Variants in RHPN2 observed in about 807,000 individuals in gnomAD.
The protein encoded by RHPN2 is rhophilin Rho GTPase binding protein 2.
Under a neutral mutation model 79.0 loss-of-function variants are expected in RHPN2, and 40 were observed. The ratio of observed to expected loss-of-function variants is 0.51; its 90% CI spans 0.39 to 0.66. RHPN2 has a LOEUF of 0.66. Ranked by LOEUF, RHPN2 falls within the 30% of genes least tolerant of loss-of-function variation. The probability of loss-of-function intolerance (pLI) is 0.00; values close to 1 mark genes in which losing one functional copy is unlikely to be tolerated. For synonymous variants in RHPN2, 285 were observed against 363.5 expected (o/e 0.78, Z 2.46); for missense variants, 686 against 883.5 (o/e 0.78, Z 2.83).
chr19:33,023,241 C>G (rs1327459253), intron 3 of RHPN2, among the ~76,000 whole-genome samples: 1 of 151,988 alleles, frequency 6.6e-6, no homozygotes, highest in Non-Finnish European at 1.5e-5. Context: ...TCAAGACCAG[C>G]CTGGCCAACA....
intron 1 of RHPN2, among the ~76,000 whole-genome samples, chr19:33,058,351 G>A (rs1010039527): frequency 6.6e-6 from 1 of 152,184 alleles, no homozygotes; most frequent in Non-Finnish European, 1.5e-5. Flanking sequence ...CTGAGCTGTC[G>A]CTCCATAAAT....
chr19:33,043,164 GC>G (rs772690693), intron 2 of RHPN2, among the ~76,000 whole-genome samples: 2 of 151,008 alleles, frequency 1.3e-5, no homozygotes, highest in Non-Finnish European at 1.5e-5. Flanking sequence ...TGCTTGAAGA[GC>G]CCAGGAGGTT....
chr19:33,032,140 G>A (rs559552926), intron 2 of RHPN2, among the ~76,000 whole-genome samples: 23 of 149,438 alleles, frequency 1.5e-4, no homozygotes, highest in Non-Finnish European at 3.1e-4. Flanking sequence ...CCTGCCTCAG[G>A]CTCCCGAGTA....
intron 14 of RHPN2, among the ~76,000 whole-genome samples, chr19:32,985,833 C>T (rs1484564809): frequency 2.0e-5 from 3 of 152,126 alleles, no homozygotes; most frequent in South Asian, 2.1e-4. Flanking sequence ...GGTTTTGCCA[C>T]GGTGGCCAGG....
intron 14 of RHPN2, among the ~76,000 whole-genome samples, chr19:32,983,363 T>C (rs1213254387): frequency 1.3e-5 from 2 of 151,724 alleles, no homozygotes; most frequent in Non-Finnish European, 2.9e-5. Flanking sequence ...ATACAAAAAA[T>C]TAGCCGGGCG....
intron 3 of RHPN2, among the ~76,000 whole-genome samples, chr19:33,022,570 C>T (rs535131528): frequency 6.6e-6 from 1 of 152,284 alleles, no homozygotes; most frequent in East Asian, 1.9e-4. Flanking sequence ...GGGTCAGACA[C>T]CCTCCACCTC....
At chr19:33,062,767 C>A (rs1003339275) in intron 1 of RHPN2, among the ~76,000 whole-genome samples, 1 of 143,654 alleles carries the variant, frequency 7.0e-6, no homozygotes, top group African/African-American at 2.5e-5. Flanking sequence ...GACTCTGTTT[C>A]ATAATAATAA....
At chr19:33,047,271 G>C (rs1972149508) in intron 1 of RHPN2, among the ~76,000 whole-genome samples, 1 of 152,160 alleles carries the variant, frequency 6.6e-6, no homozygotes, top group South Asian at 2.1e-4. Flanking sequence ...CTTCTAATTT[G>C]TATGTTTATT....
At chr19:33,063,203 T>A (rs7258173) in intron 1 of RHPN2, among the ~76,000 whole-genome samples, 26,112 of 151,954 alleles carry the variant, frequency 0.17, 2,836 homozygotes, top group South Asian at 0.33. Context: ...ACGCCACACA[T>A]AATTAGAAGT....
chr19:32,993,484 T>C (rs2044969708), intron 12 of RHPN2, among the ~76,000 whole-genome samples: 1 of 151,924 alleles, frequency 6.6e-6, no homozygotes, highest in Admixed American at 6.6e-5. Flanking sequence ...AAAAAACAAA[T>C]AAATAAAAAT....
At chr19:33,010,682 C>CT (rs200572600) in intron 6 of RHPN2, among the ~76,000 whole-genome samples, 3 of 148,168 alleles carry the variant, frequency 2.0e-5, no homozygotes, top group Non-Finnish European at 3.0e-5. Context: ...CACGCCCAGC[C>CT]TTTTTTTTTC....
At chr19:33,001,754 G>C (rs1038946025) in intron 9 of RHPN2, among the ~76,000 whole-genome samples, 44 of 151,974 alleles carry the variant, frequency 2.9e-4, no homozygotes, top group African/African-American at 1.0e-3. Flanking sequence ...TTAGAGGCAC[G>C]TGCCATGCCC....
intron 2 of RHPN2, among the ~76,000 whole-genome samples, chr19:33,043,815 G>A (rs771037315): frequency 6.6e-6 from 1 of 152,116 alleles, no homozygotes; most frequent in Non-Finnish European, 1.5e-5. Flanking sequence ...CATTAGCAAG[G>A]TGGACACTGG....
In RHPN2 at chr19:33,044,378, A is replaced by G; in HGVS notation, c.70-14T>C. On this transcript the variant is annotated splice_polypyrimidine_tract_variant and intron_variant, in intron 1 of 14. Coordinates refer to ENST00000254260, the MANE Select transcript of RHPN2 (RefSeq NM_033103.5). ...GGGATTACAGCCCTGAGGAAAAATAAGAGATGCCCCTTCAGAGGTCGGCCA... is the reference window on the plus strand; with the variant it reads ...GGGATTACAGCCCTGAGGAAAAATAGGAGATGCCCCTTCAGAGGTCGGCCA... 1 of 1,579,550 alleles carries G rather than the reference A, an allele frequency of 6.3e-7. No homozygotes were observed. The highest frequency in any genetic ancestry group is 1.3e-5 in the African/African-American group (1 of 74,352).
rs905863866 is a variant in RHPN2, at chr19:32,991,718, G to A, written c.1644+105C>T. ...TTCTTTTAGGGAATGTAGCACCCAT[G>A]AGGCCCTTCACATCAAGTCAGGCCT... On this transcript the variant is annotated intron_variant, in intron 13 of 14. Coordinates refer to ENST00000254260, the MANE Select transcript of RHPN2 (RefSeq NM_033103.5). 14 of 1,259,564 alleles carry A rather than the reference G, an allele frequency of 1.1e-5. No homozygotes were observed. The African/African-American group carries it at 1.2e-4, about 11-fold the overall frequency. 78.0% of individuals were successfully genotyped at this position (1,259,564 alleles called of 1,614,324 possible).
chr19:32,998,079 C>A (rs1424960302), intron 10 of RHPN2, among the ~76,000 whole-genome samples: 2 of 152,156 alleles, frequency 1.3e-5, no homozygotes, highest in Non-Finnish European at 2.9e-5. Context: ...CTGACCTGCA[C>A]GACCAGGCTC....
At chr19:33,007,384 G>A (rs1488873741) in intron 7 of RHPN2, among the ~76,000 whole-genome samples, 2 of 152,046 alleles carry the variant, frequency 1.3e-5, no homozygotes, top group Admixed American at 6.6e-5. Flanking sequence ...CTACTCAGGA[G>A]GCTGAGGCAG....
intron 3 of RHPN2, among the ~76,000 whole-genome samples, chr19:33,022,493 C>T (rs1340766253): frequency 6.6e-6 from 1 of 152,124 alleles, no homozygotes; most frequent in Non-Finnish European, 1.5e-5. Context: ...GTCCCACCAC[C>T]GGCACAGGAG....
chr19:32,985,179 G>A (rs1013744837), intron 14 of RHPN2, among the ~76,000 whole-genome samples: 9 of 151,978 alleles, frequency 5.9e-5, no homozygotes, highest in Admixed American at 3.3e-4. Flanking sequence ...TTGCCATGTT[G>A]ACCAGGCTGG....
Sources: allele counts gnomAD v4.1 joint callset (sites outside exome capture counted in the v4.1 genomes callset), GRCh38; gene constraint gnomAD v4.1.1; transcripts MANE v1.5; gene names NCBI Gene and HGNC (gene_info 2026-07-23, HGNC 2026-07-21).